Variants in ZC3H12C observed in about 807,000 individuals in gnomAD.
The protein encoded by ZC3H12C is zinc finger CCCH-type containing 12C, also known as probable ribonuclease ZC3H12C.
Under a neutral mutation model 76.3 loss-of-function variants are expected in ZC3H12C, and 20 were observed. The ratio of observed to expected loss-of-function variants is 0.26; its 90% CI spans 0.18 to 0.38. ZC3H12C has a LOEUF of 0.38. Ranked by LOEUF, ZC3H12C falls within the 10% of genes least tolerant of loss-of-function variation. ZC3H12C has a pLI of 1.00. For missense variants in ZC3H12C, 874 were observed against 1,086.5 expected (o/e 0.80, Z 2.75); for synonymous variants, 352 against 399.6 (o/e 0.88, Z 1.42).
chr11:110,155,075 G>T (rs1800158743), intron 3 of ZC3H12C, among the ~76,000 whole-genome samples: 1 of 152,114 alleles, frequency 6.6e-6, no homozygotes, highest in South Asian at 2.1e-4. Context: ...ATCACTTGAG[G>T]TCAGGAGTTC....
intron 1 of ZC3H12C, among the ~76,000 whole-genome samples, chr11:110,128,468 A>T (rs1392956631): frequency 6.6e-6 from 1 of 152,188 alleles, no homozygotes; most frequent in African/African-American, 2.4e-5. Context: ...CTTTGTGTTC[A>T]CAGTGGCAGG....
intron 1 of ZC3H12C, among the ~76,000 whole-genome samples, chr11:110,112,333 G>C (rs1861447900): frequency 6.6e-6 from 1 of 152,082 alleles, no homozygotes; most frequent in South Asian, 2.1e-4. Context: ...CAAATAACTG[G>C]AATTACAGAT....
chr11:110,124,967 A>G (rs1861713758), intron 1 of ZC3H12C, among the ~76,000 whole-genome samples: 1 of 152,168 alleles, frequency 6.6e-6, no homozygotes, highest in African/African-American at 2.4e-5. Flanking sequence ...GGCCATGGGA[A>G]TGAGAAAATT....
intron 1 of ZC3H12C, among the ~76,000 whole-genome samples, chr11:110,104,082 G>A (rs1251073322): frequency 6.6e-6 from 1 of 150,856 alleles, no homozygotes; most frequent in African/African-American, 2.4e-5. Context: ...TACCCAGGCT[G>A]GAGTGCAGTG....
chr11:110,113,431 T>G (rs898362638), intron 1 of ZC3H12C, among the ~76,000 whole-genome samples: 13 of 151,820 alleles, frequency 8.6e-5, no homozygotes, highest in African/African-American at 2.9e-4. Context: ...TGCTACATCT[T>G]GTTATTTTAA....
intron 1 of ZC3H12C, chr11:110,130,872 G>A (rs1272499091): frequency 1.4e-5 from 9 of 637,872 alleles, no homozygotes; most frequent in Non-Finnish European, 2.1e-5. Flanking sequence ...CTACGAACCT[G>A]ACGCAGGGTG....
At chr11:110,132,105 T>C (rs1007427416) in intron 1 of ZC3H12C, among the ~76,000 whole-genome samples, 2 of 152,224 alleles carry the variant, frequency 1.3e-5, no homozygotes, top group African/African-American at 4.8e-5. Context: ...AGTATTACCA[T>C]TTGGATAACA....
intron 1 of ZC3H12C, among the ~76,000 whole-genome samples, chr11:110,101,705 G>A (rs1861219497): frequency 1.3e-5 from 2 of 151,884 alleles, no homozygotes; most frequent in Non-Finnish European, 2.9e-5. Flanking sequence ...GCGCCACCAC[G>A]TCCAGCTAAT....
At chr11:110,122,285 T>A (rs928458887) in intron 1 of ZC3H12C, among the ~76,000 whole-genome samples, 12 of 152,208 alleles carry the variant, frequency 7.9e-5, no homozygotes, top group African/African-American at 1.2e-4. Context: ...TACCATCAGT[T>A]ATTTTATAAT....
intron 1 of ZC3H12C, among the ~76,000 whole-genome samples, chr11:110,118,756 C>A (rs1329452838): frequency 6.6e-6 from 1 of 152,058 alleles, no homozygotes; most frequent in Non-Finnish European, 1.5e-5. Context: ...AGGATGGCGC[C>A]ACTGCACTCC....
intron 2 of ZC3H12C, among the ~76,000 whole-genome samples, chr11:110,148,841 A>G (rs903623011): frequency 4.6e-5 from 7 of 152,236 alleles, no homozygotes; most frequent in Non-Finnish European, 4.4e-5. Flanking sequence ...TAAATAGTCA[A>G]CAGATAGTTC....
In ZC3H12C at chr11:110,169,440, G is replaced by A. The variant is rs901841124; in HGVS notation, c.*3703G>A. The A allele has an allele frequency of 6.6e-6, 1 of 151,292 alleles. No individual in the cohort carries two copies. The allele number at this position is 151,292 out of a possible 1,614,324, so 9.4% of individuals were successfully genotyped here. ...TACAATGGTATTTACTTTAAAGTAT[G>A]TTTGGTTTTCATTATTCTTTTTGCT... On this transcript the variant is annotated 3_prime_UTR_variant, in exon 6 of 6. Transcript: ENST00000278590.
chr11:110,096,349 C>T (rs947700747), intron 1 of ZC3H12C, among the ~76,000 whole-genome samples: 11 of 152,132 alleles, frequency 7.2e-5, no homozygotes, highest in Admixed American at 2.0e-4. Flanking sequence ...TGTGTTGTGG[C>T]GGCATCAATT....
chr11:110,135,276 G>C (rs1861935618), intron 1 of ZC3H12C, among the ~76,000 whole-genome samples: 1 of 152,046 alleles, frequency 6.6e-6, no homozygotes, highest in Non-Finnish European at 1.5e-5. Context: ...GATCACTTGA[G>C]GTCAGGAGTT....
rs79006953 is a variant in ZC3H12C, at chr11:110,119,417, C to T, written c.22-17246C>T. ...CATCCTTCAATCAGAACCTTCAAGACGCTTATATGATTCAAATGCAGTTTA... is the reference window on the plus strand; with the variant it reads ...CATCCTTCAATCAGAACCTTCAAGATGCTTATATGATTCAAATGCAGTTTA... On this transcript the variant is annotated intron_variant, in intron 1 of 5. Transcript: ENST00000278590. Among the ~76,000 whole-genome samples, 139 of 152,204 alleles carry T rather than the reference C, an allele frequency of 9.1e-4. 2 individuals carry two copies. The East Asian group carries it at 0.024, about 26-fold the overall frequency.
intron 1 of ZC3H12C, among the ~76,000 whole-genome samples, chr11:110,111,848 TAGC>T (rs947215820): frequency 9.9e-5 from 15 of 151,862 alleles, no homozygotes; most frequent in African/African-American, 3.6e-4. Context: ...TGGCCCCCAG[TAGC>T]TTTTTGATTA....
chr11:110,105,019 G>C (rs929457676), intron 1 of ZC3H12C, among the ~76,000 whole-genome samples: 3 of 152,138 alleles, frequency 2.0e-5, no homozygotes, highest in Admixed American at 6.5e-5. Context: ...ATAGGGTAAA[G>C]CTAAAATTAG....
chr11:110,163,141 C>A, intron 4 of ZC3H12C, 132 bp from the exon 5 acceptor site: 1 of 635,882 alleles, frequency 1.6e-6, no homozygotes, highest in African/African-American at 1.8e-5. Context: ...ACTCTGTAAA[C>A]GTGGAATCAA....
In ZC3H12C at chr11:110,103,996, CT is replaced by C. The variant is rs768000382; in HGVS notation, c.21+10580del. On this transcript the variant is annotated intron_variant, in intron 1 of 5. Transcript: ENST00000278590. The stretch of plus-strand genomic sequence containing the variant: ...TGTTAGGGGGCAACAGGAAACAATT[CT>C]TTTTTTTTTTTTTTTGAGAATATCA... Among the ~76,000 whole-genome samples, 724 of 127,642 alleles carry C rather than the reference CT, an allele frequency of 5.7e-3. 2 individuals are homozygous for C. The highest frequency in any genetic ancestry group is 0.022 in the Middle Eastern group (5 of 230). 83.7% of individuals were successfully genotyped at this position (127,642 alleles called of 152,430 possible).
Sources: allele counts gnomAD v4.1 joint callset (sites outside exome capture counted in the v4.1 genomes callset), GRCh38; gene constraint gnomAD v4.1.1; transcripts MANE v1.5; gene names NCBI Gene and HGNC (gene_info 2026-07-23, HGNC 2026-07-21).